CNTLN: variants seen among roughly 807,000 people sequenced by gnomAD.
CNTLN encodes centlein.
CNTLN carries 212 observed loss-of-function variants against 180.0 expected under a neutral mutation model. The ratio of observed to expected loss-of-function variants is 1.18; its 90% CI spans 1.05 to 1.32. The LOEUF is 1.32. Among genes scored for constraint, CNTLN ranks in the 40% most tolerant of loss-of-function variants. The probability of loss-of-function intolerance (pLI) is 0.00; values close to 1 mark genes in which losing one functional copy is unlikely to be tolerated. For missense variants in CNTLN, 2,095 were observed against 1,610.9 expected (o/e 1.30, Z -5.14); for synonymous variants, 722 against 563.1 (o/e 1.28, Z -3.99).
chr9:17,280,896 T>G (rs915893877), intron 6 of CNTLN, among the ~76,000 whole-genome samples: 2 of 152,176 alleles, frequency 1.3e-5, no homozygotes, highest in African/African-American at 4.8e-5. Flanking sequence ...TGTATATATC[T>G]GGTAGGCTGA....
chr9:17,459,329 ATC>A (rs1831320664), intron 19 of CNTLN, among the ~76,000 whole-genome samples: 1 of 151,838 alleles, frequency 6.6e-6, no homozygotes, highest in African/African-American at 2.4e-5. Flanking sequence ...CCACATACAA[ATC>A]TCTCTCTTGC....
rs142596730 is a variant in CNTLN at position 17,215,774 on chromosome 9, G to A, written c.450-10429G>A. Reference sequence around the variant, plus strand: ...TGGTGGGCACCCCTTCTCCAGCCTCGCTGCCACCTTGCAGTTCGATCTCAG... The same window carrying A: ...TGGTGGGCACCCCTTCTCCAGCCTCACTGCCACCTTGCAGTTCGATCTCAG... On this transcript the variant is annotated intron_variant, in intron 2 of 25. Coordinates refer to ENST00000380647, the MANE Select transcript of CNTLN (RefSeq NM_017738.4). Among the ~76,000 whole-genome samples, 795 of 152,196 alleles carry A rather than the reference G, an allele frequency of 5.2e-3. 5 individuals are homozygous for A. The highest frequency in any genetic ancestry group is 0.018 in the African/African-American group (763 of 41,530).
chr9:17,219,097 C>A (rs1297630261), intron 2 of CNTLN, among the ~76,000 whole-genome samples: 2 of 152,088 alleles, frequency 1.3e-5, no homozygotes, highest in Non-Finnish European at 2.9e-5. Flanking sequence ...GATTTGACAG[C>A]CTCTCTTCGC....
At chr9:17,170,711 T>G (rs1192295587) in intron 2 of CNTLN, among the ~76,000 whole-genome samples, 4 of 152,162 alleles carry the variant, frequency 2.6e-5, no homozygotes, top group Admixed American at 2.6e-4. Context: ...TCTTTATATA[T>G]CATTTAATCA....
intron 2 of CNTLN, among the ~76,000 whole-genome samples, chr9:17,209,828 C>T (rs1331056195): frequency 1.3e-5 from 2 of 152,114 alleles, no homozygotes; most frequent in African/African-American, 4.8e-5. Flanking sequence ...GAGGTATCTG[C>T]ATTTTAAAAC....
At chr9:17,471,996 G>C (rs1325490143) in intron 23 of CNTLN, among the ~76,000 whole-genome samples, 1 of 152,138 alleles carries the variant, frequency 6.6e-6, no homozygotes, top group Non-Finnish European at 1.5e-5. Flanking sequence ...ACCTAGCACA[G>C]TGAAGGCTCT....
At chr9:17,262,199 A>G (rs1309771058) in intron 5 of CNTLN, among the ~76,000 whole-genome samples, 1 of 151,522 alleles carries the variant, frequency 6.6e-6, no homozygotes, top group East Asian at 1.9e-4. Context: ...CAGGAACACC[A>G]TTTGACCCAG....
Position 17,135,134 on chromosome 9 carries a change from A to T in CNTLN, c.69A>T (p.Pro23=). 1.9e-6 allele frequency: 3 copies of T among 1,607,692 alleles called. No homozygotes were observed. The highest frequency in any genetic ancestry group is 2.5e-6 in the Non-Finnish European group (3 of 1,178,074). Residue 23 remains proline, a synonymous_variant, in exon 1 of 26, where the codon CCA becomes CCT. Coordinates refer to ENST00000380647, the MANE Select transcript of CNTLN (RefSeq NM_017738.4). ...PPARQLGPRS[P]RVGRGAEVHA... is the part of the protein sequence containing the mutation. The stretch of plus-strand genomic sequence containing the variant: ...CGCGACAGCTGGGCCCCAGGTCCCC[A>T]CGTGTTGGGCGGGGAGCTGAAGTAC...
chr9:17,401,696 A>T (rs1826988191), intron 15 of CNTLN, among the ~76,000 whole-genome samples: 1 of 151,834 alleles, frequency 6.6e-6, no homozygotes, highest in Non-Finnish European at 1.5e-5. Flanking sequence ...TAATGAAACA[A>T]TGAAAATTTT....
At chr9:17,459,880 A>T (rs1831351597) in intron 19 of CNTLN, among the ~76,000 whole-genome samples, 1 of 151,760 alleles carries the variant, frequency 6.6e-6, no homozygotes, top group African/African-American at 2.4e-5. Flanking sequence ...AAATACAGTC[A>T]CATTCTAAAG....
intron 8 of CNTLN, among the ~76,000 whole-genome samples, chr9:17,317,612 G>A (rs1050022705): frequency 6.6e-6 from 1 of 152,172 alleles, no homozygotes; most frequent in African/African-American, 2.4e-5. Context: ...AATACAGCAT[G>A]AGATGGAGCA....
At chr9:17,277,001 C>T (rs1158374542) in intron 6 of CNTLN, among the ~76,000 whole-genome samples, 1 of 151,928 alleles carries the variant, frequency 6.6e-6, no homozygotes, top group African/African-American at 2.4e-5. Flanking sequence ...ATATATTTAC[C>T]TAGCCATTGC....
chr9:17,147,549 G>A (rs79562752), intron 2 of CNTLN, among the ~76,000 whole-genome samples: 6,811 of 151,914 alleles, frequency 0.045, 193 homozygotes, highest in East Asian at 0.17. Context: ...TTTCTCCCTC[G>A]GTTTATTTGT....
intron 2 of CNTLN, among the ~76,000 whole-genome samples, chr9:17,199,636 T>C (rs1300838287): frequency 1.3e-5 from 2 of 152,230 alleles, no homozygotes; most frequent in African/African-American, 4.8e-5. Flanking sequence ...TGCATAAATA[T>C]CTTCTTTTGA....
chr9:17,524,740 G>T, the CNTLN span, among the ~76,000 whole-genome samples: 1 of 152,172 alleles, frequency 6.6e-6, no homozygotes, highest in Non-Finnish European at 1.5e-5. Flanking sequence ...TTATGATTCA[G>T]TAGCTCTATC....
At position 17,416,186 on chromosome 9, in the gene CNTLN, A is replaced by G. The variant is rs368952224; in HGVS notation, c.3111A>G (p.Ile1037Met). ...GATTTCAGACAAGCAGGCAGACAAT[A>G]AAGGTAAAGAGAACTTTAAGATTGA... ...DQRFQTSRQT[I>M]KKLNLDLAGL... is the part of the protein sequence containing the mutation. Residue 1037 changes from isoleucine (I) to methionine (M), a missense_variant, in exon 18 of 26, where the codon ATA (isoleucine) becomes ATG (methionine). By Grantham distance (10) the Ile-to-Met change is conservative. Transcript: ENST00000380647. 12 of 1,610,610 alleles carry G rather than the reference A, an allele frequency of 7.5e-6. 1 individual carries two copies. Among genetic ancestry groups the G allele is most frequent in the African/African-American group, 5.3e-5 (4 of 74,768 alleles).
Position 17,461,552 on chromosome 9 carries a change from C to T in CNTLN, c.3307-1364C>T, listed in dbSNP as rs560890052. Among the ~76,000 whole-genome samples, 113 of 151,574 alleles carry T rather than the reference C, an allele frequency of 7.5e-4. 1 individual carries two copies. The highest frequency in any genetic ancestry group is 1.2e-3 in the South Asian group (6 of 4,804). On this transcript the variant is annotated intron_variant, in intron 19 of 25. Transcript: ENST00000380647. ...TCAAATGTTTTATTTGTATGTTATA[C>T]CCATGAGATATTTAAAGTCAGTCTG...
intron 2 of CNTLN, among the ~76,000 whole-genome samples, chr9:17,174,866 C>T (rs1248557866): frequency 6.6e-6 from 1 of 152,030 alleles, no homozygotes; most frequent in Non-Finnish European, 1.5e-5. Flanking sequence ...ATAGTTATAC[C>T]TCATTGAAGT....
chr9:17,457,681 AT>A lies in CNTLN; in HGVS notation c.3275del (p.Leu1092TrpfsTer3). On this transcript the variant is annotated frameshift_variant, in exon 19 of 26. Coordinates refer to ENST00000380647, the MANE Select transcript of CNTLN (RefSeq NM_017738.4). LOFTEE classifies it high-confidence loss of function. Reference protein sequence around the residue: ...VTSLSPSRSMDLEMKQLQYKL... With the variant: ...VTSLSPSRSMXLEMKQLQYKL... The stretch of plus-strand genomic sequence containing the variant: ...TCACTTAGTCCTTCAAGGAGCATGG[AT>A]TTGGAAATGAAGCAATTGCAGTATA... 6.6e-7 allele frequency: 1 copy of A among 1,507,118 alleles called. No individual in the cohort carries two copies. 93.4% of individuals were successfully genotyped at this position (1,507,118 alleles called of 1,614,324 possible). A position where few individuals can be genotyped will look rare whatever the true frequency, so the allele number is the denominator to read the frequency against.
Sources: gnomAD v4.1 joint callset for allele counts (sites outside exome capture counted in the v4.1 genomes callset) on GRCh38, gnomAD v4.1.1 for gene constraint, MANE v1.5 for transcripts, NCBI Gene and HGNC (gene_info 2026-07-23, HGNC 2026-07-21) for gene names.